SIRT2: variants seen among roughly 807,000 people sequenced by gnomAD.
SIRT2 encodes the protein NAD-dependent protein deacetylase sirtuin-2.
Under a neutral mutation model 57.4 loss-of-function variants are expected in SIRT2, and 40 were observed. That is an observed-to-expected ratio of 0.70 (90% CI 0.54 to 0.91). The LOEUF (loss-of-function observed/expected upper bound fraction) is 0.91. Among genes scored for constraint, SIRT2 ranks in the 40% least tolerant of loss-of-function variants. The pLI is 0.00. For synonymous variants in SIRT2, 161 were observed against 195.7 expected, an observed-to-expected ratio of 0.82 and a Z score of 1.48; for missense variants, 439 against 510.4, an observed-to-expected ratio of 0.86 and a Z score of 1.35.
intron 2 of SIRT2, among the ~76,000 whole-genome samples, chr19:38,897,797 A>G (rs973809564): frequency 6.6e-6 from 1 of 152,162 alleles, no homozygotes; most frequent in African/African-American, 2.4e-5. Flanking sequence ...AAGTACTGGG[A>G]TTACAAGCAT....
chr19:38,884,122 A>G (rs1328017010), intron 8 of SIRT2, among the ~76,000 whole-genome samples: 1 of 151,878 alleles, frequency 6.6e-6, no homozygotes, highest in Admixed American at 6.6e-5. Flanking sequence ...AAAAAAAAAA[A>G]AAAAAAAGGG....
intron 13 of SIRT2, 178 bp from the exon 14 acceptor site, chr19:38,879,880 C>A (rs953585187): frequency 1.7e-5 from 10 of 596,072 alleles, no homozygotes; most frequent in Middle Eastern, 4.4e-4. Context: ...GGCTGGAGTG[C>A]AATGATGTGA....
intron 8 of SIRT2, among the ~76,000 whole-genome samples, chr19:38,888,757 G>A (rs866683848): frequency 1.4e-4 from 21 of 152,192 alleles, no homozygotes; most frequent in Non-Finnish European, 1.8e-4. Context: ...TGCCTATAGT[G>A]CACACAGAGT....
At chr19:38,882,018 G>T (rs749401687) in intron 9 of SIRT2, among the ~76,000 whole-genome samples, 2 of 151,664 alleles carry the variant, frequency 1.3e-5, no homozygotes, top group African/African-American at 4.8e-5. Flanking sequence ...TTTGAGACAG[G>T]TTCTCACTCT....
At chr19:38,893,682 G>A in intron 3 of SIRT2, 137 bp downstream of exon 3, 1 of 1,263,646 alleles carries the variant, frequency 7.9e-7, no homozygotes, top group Non-Finnish European at 1.1e-6. Flanking sequence ...GCCTGCTCTG[G>A]CACTGGTACC....
chr19:38,885,836 A>G (rs928412482), intron 8 of SIRT2, among the ~76,000 whole-genome samples: 10 of 151,854 alleles, frequency 6.6e-5, no homozygotes, highest in Admixed American at 3.9e-4. Context: ...TGATCTGCCC[A>G]CCTCAGCCTC....
At chr19:38,899,100 G>A (rs913073288) in intron 1 of SIRT2, among the ~76,000 whole-genome samples, 3 of 152,096 alleles carry the variant, frequency 2.0e-5, no homozygotes, top group East Asian at 1.9e-4. Flanking sequence ...TGGTGCAGTG[G>A]AGGCGGTAGG....
At chr19:38,896,262 A>C (rs1973713215) in intron 2 of SIRT2, among the ~76,000 whole-genome samples, 2 of 152,334 alleles carry the variant, frequency 1.3e-5, no homozygotes, top group South Asian at 4.1e-4. Context: ...AGCTAAGCTT[A>C]ATGGAAATTA....
At chr19:38,885,428 C>CTTTTT (rs746141768) in intron 8 of SIRT2, among the ~76,000 whole-genome samples, 2 of 137,734 alleles carry the variant, frequency 1.5e-5, no homozygotes, top group Admixed American at 7.3e-5. Context: ...CTTTTCTTTT[C>CTTTTT]TTTTTTTTTT....
intron 2 of SIRT2, among the ~76,000 whole-genome samples, chr19:38,895,808 C>T (rs1973697330): frequency 6.6e-6 from 1 of 152,128 alleles, no homozygotes; most frequent in African/African-American, 2.4e-5. Context: ...CACGGTGGCT[C>T]ACGCCTGTAA....
chr19:38,891,744 T>C, intron 4 of SIRT2: 2 of 392,514 alleles, frequency 5.1e-6, no homozygotes, highest in Non-Finnish European at 1.1e-5. Context: ...CTCAACTAAT[T>C]GTTATTTTTC....
chr19:38,888,067 T>C (rs146157886), intron 8 of SIRT2, among the ~76,000 whole-genome samples: 85 of 152,304 alleles, frequency 5.6e-4, no homozygotes, highest in African/African-American at 1.9e-3. Context: ...TGTTTTATAA[T>C]TCGGGGTTCT....
chr19:38,893,824 G>C lies in SIRT2; in HGVS notation c.107C>G (p.Ala36Gly). 1 of 1,614,100 alleles carries C rather than the reference G, an allele frequency of 6.2e-7. No homozygotes were observed. The highest frequency in any genetic ancestry group is 1.3e-5 in the African/African-American group (1 of 75,042). The change falls in exon 3 of 16, where the codon GCA becomes GGA. Residue 36 changes from alanine (A) to glycine (G), a missense_variant. Coordinates refer to ENST00000249396, the MANE Select transcript of SIRT2 (RefSeq NM_012237.4). ...DSEGGAAGGE[A>G]DMDFLRNLFS... is the part of the protein sequence containing the mutation. ...CCCTCCAGGAAGATACTCACTGTCTGCTTCTCCACCAGCGGCTCCTCCCTC... is the reference window on the plus strand; with the variant it reads ...CCCTCCAGGAAGATACTCACTGTCTCCTTCTCCACCAGCGGCTCCTCCCTC...
chr19:38,893,137 C>G (rs1973598230), intron 4 of SIRT2, among the ~76,000 whole-genome samples: 1 of 151,942 alleles, frequency 6.6e-6, no homozygotes, highest in African/African-American at 2.4e-5. Context: ...CTAGTGGAAC[C>G]TGCATTTGCA....
intron 13 of SIRT2, 71 bp from the exon 14 acceptor site, chr19:38,879,773 G>A (rs953616684): frequency 8.5e-7 from 1 of 1,181,852 alleles, no homozygotes; most frequent in African/African-American, 1.5e-5. Context: ...CCTGGAGCCA[G>A]GTGGCCTGGG....
chr19:38,880,745 A>AG lies in SIRT2; in HGVS notation c.825-10dup, dbSNP rs1448586673. The AG allele has an allele frequency of 6.2e-7, 1 of 1,607,642 alleles. No homozygotes were observed. On this transcript the variant is annotated splice_polypyrimidine_tract_variant and intron_variant, in intron 12 of 15. Transcript: ENST00000249396. The surrounding 1 kb of genome is among the most constrained non-coding windows in gnomAD (Gnocchi z 4.1). ...GGGTGGAGAGGGGTGCCCTGTGGGG[A>AG]GGGGGAGCTAAGGGGTCAGGGTCTG... is the stretch of plus-strand genomic sequence containing the variant.
intron 2 of SIRT2, among the ~76,000 whole-genome samples, chr19:38,896,083 A>G (rs1229053009): frequency 6.7e-6 from 1 of 150,158 alleles, no homozygotes; most frequent in African/African-American, 2.5e-5. Context: ...AAAAAAAGAG[A>G]GAGAGAAAGA....
At position 38,880,959 on chromosome 19, in the gene SIRT2, G is replaced by A. The variant is rs1030003106; in HGVS notation, c.748-62C>T. 8.3e-5 allele frequency: 130 copies of A among 1,560,984 alleles called. No individual in the cohort carries two copies. Among genetic ancestry groups the A allele is most frequent in the African/African-American group, 3.2e-4 (24 of 73,896 alleles). ...AGGCTGCGCCACCGCTCCCTCCCCC[G>A]CCCCCAGCAGCAAACCTCCCTGCCG... is the stretch of plus-strand genomic sequence containing the variant. On this transcript the variant is annotated intron_variant, in intron 11 of 15. Transcript: ENST00000249396. The surrounding 1 kb of genome is among the most constrained non-coding windows in gnomAD (Gnocchi z 4.1).
Position 38,893,802 on chromosome 19 carries a change from T to G in SIRT2, c.112+17A>C. On this transcript the variant is annotated intron_variant, in intron 3 of 15. Coordinates refer to ENST00000249396, the MANE Select transcript of SIRT2 (RefSeq NM_012237.4). The stretch of plus-strand genomic sequence containing the variant: ...CCCCCAGAACCCTGCTCCCTGTCCC[T>G]CCAGGAAGATACTCACTGTCTGCTT... 6.2e-7 allele frequency: 1 copy of G among 1,611,892 alleles called. No individual in the cohort carries two copies. The highest frequency in any genetic ancestry group is 8.5e-7 in the Non-Finnish European group (1 of 1,178,526).
Sources: gnomAD v4.1 joint callset for allele counts (sites outside exome capture counted in the v4.1 genomes callset) on GRCh38, gnomAD v4.1.1 for gene constraint, Gnocchi (gnomAD v3.1) non-coding constraint, MANE v1.5 for transcripts, NCBI Gene and HGNC (gene_info 2026-07-23, HGNC 2026-07-21) for gene names.